The following XCR1 variants were observed in gnomAD, a reference collection of about 807,000 sequenced individuals.
XCR1 encodes the protein X-C motif chemokine receptor 1, also known as chemokine XC receptor 1.
For missense variants in XCR1, 356 were observed against 424.2 expected (o/e 0.84, Z 1.41); for synonymous variants, 187 against 188.5 (o/e 0.99, Z 0.06).
upstream of XCR1, among the ~76,000 whole-genome samples, chr3:46,030,166 C>T (rs182926990): frequency 4.3e-4 from 65 of 152,050 alleles, no homozygotes; most frequent in Non-Finnish European, 3.5e-4. Flanking sequence ...TTCCCCCCAC[C>T]GTGTTTAGTT....
chr3:46,046,873 A>C (rs1057501489), intron 5 of XCR1, among the ~76,000 whole-genome samples: 3 of 152,180 alleles, frequency 2.0e-5, no homozygotes, highest in Non-Finnish European at 4.4e-5. Flanking sequence ...ACCAATATCA[A>C]AGGTGATGTT....
rs190238715 is a variant in XCR1 at position 46,064,003 on chromosome 3, G to T, written c.-183+2896C>A. Among the ~76,000 whole-genome samples the T allele has an allele frequency of 1.8e-3, 271 of 152,190 alleles. 1 individual carries two copies. Among genetic ancestry groups the T allele is most frequent in the African/African-American group, 6.3e-3 (262 of 41,512 alleles). On this transcript the variant is annotated intron_variant, in intron 4 of 5. Coordinates refer to the XCR1 transcript ENST00000683768. ...TCCTCCCACCTCAACCTCCCTAGTA[G>T]CTGGGACTAAAGGTGGATGTTACCA...
chr3:46,025,159 G>A (rs1301295632), intron 1 of XCR1, among the ~76,000 whole-genome samples: 1 of 152,028 alleles, frequency 6.6e-6, no homozygotes, highest in Non-Finnish European at 1.5e-5. Flanking sequence ...TAGAAGGAAG[G>A]CATTAATAAA....
At chr3:46,032,477 T>A (rs541212473), upstream of XCR1, among the ~76,000 whole-genome samples, 2 of 152,316 alleles carry the variant, frequency 1.3e-5, no homozygotes, top group Non-Finnish European at 2.9e-5. Context: ...CACACAGCCC[T>A]TGCCACTTCA....
At chr3:46,026,574 TTTC>T (rs1475635855) in intron 1 of XCR1, among the ~76,000 whole-genome samples, 15 of 151,910 alleles carry the variant, frequency 9.9e-5, no homozygotes, top group Admixed American at 5.9e-4. Flanking sequence ...CAGATCCATT[TTTC>T]TTCTTCTTCT....
chr3:46,085,136 T>G (rs543515106), intron 1 of XCR1, among the ~76,000 whole-genome samples: 1 of 151,790 alleles, frequency 6.6e-6, no homozygotes, highest in African/African-American at 2.4e-5. Context: ...TTGCCCCTCT[T>G]AAGGAGTTCC....
intron 5 of XCR1, among the ~76,000 whole-genome samples, chr3:46,053,603 G>C (rs1383894962): frequency 6.7e-6 from 1 of 149,696 alleles, no homozygotes; most frequent in Non-Finnish European, 1.5e-5. Flanking sequence ...TAAACTCCAA[G>C]AGGAGAAAAC....
intron 1 of XCR1, among the ~76,000 whole-genome samples, chr3:46,082,093 A>T (rs1241333790): frequency 1.3e-5 from 2 of 152,178 alleles, no homozygotes; most frequent in Non-Finnish European, 2.9e-5. Flanking sequence ...TTCTCATTTT[A>T]AAAAGACAAC....
At chr3:46,023,696 T>A in intron 1 of XCR1, 2 of 1,509,390 alleles carry the variant, frequency 1.3e-6, no homozygotes, top group Non-Finnish European at 1.8e-6. Context: ...CAGGGGATCT[T>A]TGACAGGGAT....
intron 5 of XCR1, among the ~76,000 whole-genome samples, chr3:46,040,070 A>T (rs2125897455): frequency 6.6e-6 from 1 of 152,294 alleles, no homozygotes; most frequent in African/African-American, 2.4e-5. Flanking sequence ...TTCTCTTTTG[A>T]ACACAATTTT....
chr3:46,047,071 G>T (rs1412069090), intron 5 of XCR1, among the ~76,000 whole-genome samples: 1 of 135,272 alleles, frequency 7.4e-6, no homozygotes, highest in Non-Finnish European at 1.6e-5. Flanking sequence ...ACTTCAGTTT[G>T]TAACTCAGTG....
At chr3:46,077,172 G>A (rs912049916) in intron 1 of XCR1, among the ~76,000 whole-genome samples, 3 of 152,124 alleles carry the variant, frequency 2.0e-5, no homozygotes, top group East Asian at 3.9e-4. Flanking sequence ...CCTCTGGGAC[G>A]CAGACCAGTT....
chr3:46,033,114 A>G (rs753143406), intron 5 of XCR1, among the ~76,000 whole-genome samples: 9 of 152,012 alleles, frequency 5.9e-5, no homozygotes, highest in Non-Finnish European at 1.0e-4. Context: ...TTGTAGCGCA[A>G]AAGTTTTAAA....
intron 4 of XCR1, among the ~76,000 whole-genome samples, chr3:46,064,416 T>C (rs76928294): frequency 1.3e-5 from 2 of 152,300 alleles, no homozygotes; most frequent in East Asian, 3.9e-4. Context: ...CTTGCAAGTT[T>C]TTCCTAGCTC....
intron 1 of XCR1, among the ~76,000 whole-genome samples, chr3:46,079,456 A>G (rs1698318691): frequency 6.6e-6 from 1 of 152,132 alleles, no homozygotes; most frequent in Admixed American, 6.5e-5. Flanking sequence ...AAGATCCTAA[A>G]TCTATTTCTG....
Position 46,023,415 on chromosome 3 carries a change from T to C in XCR1, c.-31-1437A>G. 2.0e-6 allele frequency: 3 copies of C among 1,469,808 alleles called. No homozygotes were observed. The South Asian group carries it at 3.4e-5, about 17-fold the overall frequency. The allele number at this position is 1,469,808 out of a possible 1,614,324, so 91.0% of individuals were successfully genotyped here. The stretch of plus-strand genomic sequence containing the variant: ...CTTGTCACAAAAAGGCTGCGGCATA[T>C]CTTTCTGAAGCCATGAAGCTGACAC... On this transcript the variant is annotated intron_variant, in intron 1 of 1. Coordinates refer to ENST00000309285, the MANE Select transcript of XCR1 (RefSeq NM_001024644.2).
At position 46,020,759 on chromosome 3, in the gene XCR1, C is replaced by A; in HGVS notation, c.*187G>T. 1.3e-6 allele frequency: 1 copy of A among 787,750 alleles called. No homozygotes were observed. Among genetic ancestry groups the A allele is most frequent in the South Asian group, 2.1e-5 (1 of 46,548 alleles). 48.8% of individuals were successfully genotyped at this position (787,750 alleles called of 1,614,324 possible). On this transcript the variant is annotated 3_prime_UTR_variant, in exon 2 of 2. Coordinates refer to ENST00000309285, the MANE Select transcript of XCR1 (RefSeq NM_001024644.2). ...AGTATAAAATTCCCAGGTAGGAAGC[C>A]ACTTTCCCGCAGATGAGAGGCTGGC...
At chr3:46,055,096 G>A (rs1697830436) in intron 4 of XCR1, among the ~76,000 whole-genome samples, 1 of 152,224 alleles carries the variant, frequency 6.6e-6, no homozygotes, top group African/African-American at 2.4e-5. Flanking sequence ...TAGACAGAGT[G>A]CTGAAGCCAT....
Position 46,044,091 on chromosome 3 carries a change from G to A in XCR1, c.-32+9829C>T, listed in dbSNP as rs553837083. On this transcript the variant is annotated intron_variant, in intron 5 of 5. Coordinates refer to the XCR1 transcript ENST00000683768. ...GCTCACTGCAAACTCCACCTCCCAT[G>A]TTCAAGCAATTCCCCTGCCTCAGCC... is the stretch of plus-strand genomic sequence containing the variant. Among the ~76,000 whole-genome samples, 131 of 152,276 alleles carry A rather than the reference G, an allele frequency of 8.6e-4. 1 individual carries two copies. Among genetic ancestry groups the A allele is most frequent in the Non-Finnish European group, 1.4e-3 (98 of 68,012 alleles).
Sources: gnomAD v4.1 joint callset for allele counts (sites outside exome capture counted in the v4.1 genomes callset) on GRCh38, gnomAD v4.1.1 for gene constraint, MANE v1.5 for transcripts, NCBI Gene and HGNC (gene_info 2026-07-23, HGNC 2026-07-21) for gene names.